Variants in NBEAL1 observed in about 807,000 individuals in gnomAD.
NBEAL1 encodes neurobeachin like 1, also known as neurobeachin-like protein 1.
A neutral mutation model predicts 351.3 loss-of-function variants in NBEAL1; 273 were observed. The ratio of observed to expected loss-of-function variants is 0.78; its 90% CI spans 0.70 to 0.86. NBEAL1 has a LOEUF of 0.86. Ranked by LOEUF, NBEAL1 falls within the 40% of genes least tolerant of loss-of-function variation. The pLI is 0.00. For synonymous variants in NBEAL1, 1,050 were observed against 1,086.4 expected, an observed-to-expected ratio of 0.97 and a Z score of 0.66; for missense variants, 2,961 against 3,201.3, an observed-to-expected ratio of 0.92 and a Z score of 1.81.
chr2:203,043,720 C>CT (rs2061181480), intron 3 of NBEAL1, among the ~76,000 whole-genome samples: 1 of 147,886 alleles, frequency 6.8e-6, no homozygotes, highest in East Asian at 2.0e-4. Context: ...CAGAGTAAAA[C>CT]CCTGTCTCAA....
At position 203,135,956 on chromosome 2, in the gene NBEAL1, T is replaced by C; in HGVS notation, c.4093T>C (p.Ser1365Pro). 2 of 1,614,104 alleles carry C rather than the reference T, an allele frequency of 1.2e-6. No homozygotes were observed. The highest frequency in any genetic ancestry group is 8.5e-7 in the Non-Finnish European group (1 of 1,179,976). ...TCAGTGGAGTTTGGAGGATAGACAC[T>C]CTTTAGACTCAAACACACCATTATT... ...SDQWSLEDRH[S>P]LDSNTPLFPE... is the part of the protein sequence containing the mutation. Residue 1365 changes from serine to proline, a missense_variant, in exon 28 of 56, where the codon TCT becomes CCT. Ser to Pro is a moderately conservative substitution (Grantham distance 74, BLOSUM62 -1). Coordinates refer to ENST00000683969, the MANE Select transcript of NBEAL1 (RefSeq NM_001378026.1).
rs748119378 is a variant in NBEAL1 at position 203,126,716 on chromosome 2, G to A, written c.3145G>A (p.Gly1049Ser). Residue 1049 changes from glycine (G) to serine (S), a missense_variant and splice_region_variant, in exon 22 of 56, where the codon GGT (glycine) becomes AGT (serine). Physicochemically the swap from Gly to Ser is moderately conservative, Grantham distance 56. Transcript: ENST00000683969. ...CCGTGGAGATTTTCCCTTTCGAATC[G>A]GTGAGAGCAGGCTTTCAGATAAACA... The part of the protein sequence containing the change: ...WNRGDFPFRI[G>S]HIQYLSTIIK... 22 of 1,506,362 alleles carry A rather than the reference G, an allele frequency of 1.5e-5. No individual in the cohort carries two copies. Among genetic ancestry groups the A allele is most frequent in the East Asian group, 4.9e-5 (2 of 40,570 alleles). 93.3% of individuals were successfully genotyped at this position (1,506,362 alleles called of 1,614,324 possible).
At chr2:203,095,353 G>A (rs148018975) in intron 10 of NBEAL1, among the ~76,000 whole-genome samples, 1,577 of 151,984 alleles carry the variant, frequency 0.01, 27 homozygotes, top group African/African-American at 0.036. Flanking sequence ...GGAGTGCAAT[G>A]GCTCGATCTC....
chr2:203,029,451 A>G (rs1296408353), intron 2 of NBEAL1, among the ~76,000 whole-genome samples: 1 of 152,270 alleles, frequency 6.6e-6, no homozygotes, highest in African/African-American at 2.4e-5. Flanking sequence ...CTGGAACTTT[A>G]TTAGTTATCT....
chr2:203,127,129 T>A (rs367981454), intron 23 of NBEAL1, among the ~76,000 whole-genome samples: 3 of 152,194 alleles, frequency 2.0e-5, no homozygotes, highest in African/African-American at 7.2e-5. Flanking sequence ...ATTGTGCAAC[T>A]GTAGGCAAAT....
In NBEAL1 at chr2:203,224,860, T is replaced by G. The variant is rs1194899068; in HGVS notation, c.*7506T>G. On this transcript the variant is annotated 3_prime_UTR_variant, in exon 56 of 56. Transcript: ENST00000683969. ...TTTAATAAAGATGTATAAATAATTTTGATTATTCTCATTGTAGTTAAGTTA... is the reference window on the plus strand; with the variant it reads ...TTTAATAAAGATGTATAAATAATTTGGATTATTCTCATTGTAGTTAAGTTA... 6.6e-6 allele frequency among the ~76,000 whole-genome samples: 1 copy of G among 152,230 alleles called. No homozygotes were observed. The highest frequency in any genetic ancestry group is 2.4e-5 in the African/African-American group (1 of 41,468).
rs1020306856 is a variant in NBEAL1 at position 203,016,323 on chromosome 2, A to G, written c.-62A>G. 4.6e-5 allele frequency: 54 copies of G among 1,174,692 alleles called. No homozygotes were observed. Among genetic ancestry groups the G allele is most frequent in the Non-Finnish European group, 5.9e-5 (50 of 844,648 alleles). The allele number at this position is 1,174,692 out of a possible 1,614,324, so 72.8% of individuals were successfully genotyped here. On this transcript the variant is annotated 5_prime_UTR_variant, in exon 2 of 56. The change abolishes an upstream ATG in the 5' untranslated region. Transcript: ENST00000683969. ...GAAAAACTTGGAAAATAAAATGGAC[A>G]TGCTGTAGTCTTGAACATAATTTTT...
chr2:203,083,412 C>T lies in NBEAL1; in HGVS notation c.878C>T (p.Thr293Ile), dbSNP rs1465784663. The T allele has an allele frequency of 1.3e-6, 2 of 1,554,872 alleles. No homozygotes were observed. Among genetic ancestry groups the T allele is most frequent in the Non-Finnish European group, 1.7e-6 (2 of 1,147,792 alleles). Residue 293 changes from threonine (T) to isoleucine (I), a missense_variant, in exon 9 of 56, where the codon ACT becomes ATT. Coordinates refer to ENST00000683969, the MANE Select transcript of NBEAL1 (RefSeq NM_001378026.1). The part of the protein sequence containing the change: ...NSDQRQVETS[T>I]ILENYFKLLN... Reference sequence around the variant, plus strand: ...GATCAGCGTCAAGTGGAAACCAGTACTATTCTGGAGAACTATTTTAAATTG... The same window carrying T: ...GATCAGCGTCAAGTGGAAACCAGTATTATTCTGGAGAACTATTTTAAATTG...
rs201115352 is a variant in NBEAL1, at chr2:203,140,513, G to GT, written c.4848+1774dup. Among the ~76,000 whole-genome samples, 96 of 150,178 alleles carry GT rather than the reference G, an allele frequency of 6.4e-4. 1 individual carries two copies. Among genetic ancestry groups the GT allele is most frequent in the African/African-American group, 2.1e-3 (85 of 40,918 alleles). On this transcript the variant is annotated intron_variant, in intron 31 of 55. Coordinates refer to ENST00000683969, the MANE Select transcript of NBEAL1 (RefSeq NM_001378026.1). ...CTCATTTCCCTGTGTTACTAATAGGGTTTTTTTTTCCTTTCATCCTAAAAG... is the reference window on the plus strand; with the variant it reads ...CTCATTTCCCTGTGTTACTAATAGGGTTTTTTTTTTCCTTTCATCCTAAAAG...
intron 3 of NBEAL1, among the ~76,000 whole-genome samples, chr2:203,044,403 T>G (rs1428441230): frequency 6.6e-6 from 1 of 152,170 alleles, no homozygotes; most frequent in Non-Finnish European, 1.5e-5. Flanking sequence ...AGCTAAGAAT[T>G]TTATAGAGTT....
intron 46 of NBEAL1, 148 bp downstream of exon 46, chr2:203,190,537 T>C: frequency 1.4e-6 from 1 of 732,452 alleles, no homozygotes; most frequent in East Asian, 2.6e-5. Flanking sequence ...TCTTATATTA[T>C]TTCCAAGAGG....
chr2:203,127,787 T>A lies in NBEAL1; in HGVS notation c.3255T>A (p.Gly1085=). ...ACTTTGTTTTGTCTTTCAGGAATGG[T>A]TGTAAATATAATGAACTATCTCTAG... The part of the protein sequence containing the change: ...LDTLRIYYGN[G]CKYNELSLDD... Residue 1085 remains glycine, a synonymous_variant, in exon 24 of 56, where the codon GGT becomes GGA. Transcript: ENST00000683969. 1.3e-5 allele frequency: 20 copies of A among 1,497,110 alleles called. No homozygotes were observed. The highest frequency in any genetic ancestry group is 6.1e-5 in the South Asian group (5 of 81,614). The allele number at this position is 1,497,110 out of a possible 1,614,324, so 92.7% of individuals were successfully genotyped here.
intron 10 of NBEAL1, among the ~76,000 whole-genome samples, chr2:203,091,743 T>G (rs1278979163): frequency 2.0e-5 from 3 of 152,192 alleles, no homozygotes; most frequent in Non-Finnish European, 4.4e-5. Context: ...AGCATCCTTT[T>G]TGTGTGCTTA....
intron 14 of NBEAL1, among the ~76,000 whole-genome samples, chr2:203,109,410 T>C (rs879554933): frequency 7.2e-5 from 11 of 152,144 alleles, no homozygotes; most frequent in Admixed American, 3.3e-4. Context: ...TTCTATTCCA[T>C]TGAATATGCT....
chr2:203,134,507 G>A (rs1321452630), intron 27 of NBEAL1, among the ~76,000 whole-genome samples: 5 of 152,112 alleles, frequency 3.3e-5, no homozygotes, highest in African/African-American at 1.2e-4. Context: ...TAATATTGAA[G>A]TCCTTACCAA....
chr2:203,025,997 C>G (rs2060850081), intron 2 of NBEAL1, among the ~76,000 whole-genome samples: 2 of 152,108 alleles, frequency 1.3e-5, no homozygotes, highest in Admixed American at 1.3e-4. Flanking sequence ...TAGGAAGTCC[C>G]CTACAGAAAA....
chr2:203,183,776 A>G (rs1479503644), intron 44 of NBEAL1, among the ~76,000 whole-genome samples: 1 of 152,114 alleles, frequency 6.6e-6, no homozygotes, highest in African/African-American at 2.4e-5. Flanking sequence ...CTAAGCTTCT[A>G]AAAGAAAGGC....
chr2:203,176,153 A>T (rs936765088), intron 42 of NBEAL1, among the ~76,000 whole-genome samples: 1 of 149,774 alleles, frequency 6.7e-6, no homozygotes, highest in Non-Finnish European at 1.5e-5. Context: ...GAAAAGATCC[A>T]GTTATACTTT....
chr2:203,109,155 A>C (rs1001712238), intron 14 of NBEAL1, among the ~76,000 whole-genome samples: 2 of 152,206 alleles, frequency 1.3e-5, no homozygotes, highest in African/African-American at 2.4e-5. Context: ...TCAGGAATTC[A>C]AGACCAGTCT....
Sources: allele counts gnomAD v4.1 joint callset (sites outside exome capture counted in the v4.1 genomes callset), GRCh38; gene constraint gnomAD v4.1.1; transcripts MANE v1.5; gene names NCBI Gene and HGNC (gene_info 2026-07-23, HGNC 2026-07-21).